ADCY1: variants seen among roughly 807,000 people sequenced by gnomAD.
ADCY1 encodes adenylate cyclase 1, also known as adenylate cyclase type 1.
A neutral mutation model predicts 105.4 loss-of-function variants in ADCY1; 28 were observed. The ratio of observed to expected loss-of-function variants is 0.27; its 90% CI spans 0.20 to 0.36. The LOEUF is 0.36. Ranked by LOEUF, ADCY1 falls within the 10% of genes least tolerant of loss-of-function variation. The pLI, the probability that ADCY1 is intolerant of heterozygous loss-of-function variation, is 1.00. For synonymous variants in ADCY1, 655 were observed against 623.8 expected (o/e 1.05, Z -0.75); for missense variants, 977 against 1,434.2 (o/e 0.68, Z 5.15).
intron 8 of ADCY1, chr7:45,664,407 A>G: frequency 6.5e-7 from 1 of 1,535,988 alleles, no homozygotes; most frequent in Non-Finnish European, 8.7e-7. Context: ...CACTGTCACC[A>G]GTGCTGCAAG....
intron 4 of ADCY1, among the ~76,000 whole-genome samples, chr7:45,644,240 A>G (rs1794600454): frequency 6.6e-6 from 1 of 152,200 alleles, no homozygotes; most frequent in Non-Finnish European, 1.5e-5. Flanking sequence ...AGCTGGCCCT[A>G]GAGCGGCCTG....
At chr7:45,602,232 G>C (rs1383907117) in intron 2 of ADCY1, among the ~76,000 whole-genome samples, 2 of 151,774 alleles carry the variant, frequency 1.3e-5, no homozygotes, top group African/African-American at 4.8e-5. Context: ...TCCACTGGGT[G>C]GTGAAGACCA....
chr7:45,686,519 T>G lies in ADCY1; in HGVS notation c.2328-28T>G. On this transcript the variant is annotated intron_variant, in intron 13 of 19. Transcript: ENST00000297323. This position sits in a 1 kb window ranked among gnomAD's most constrained non-coding sequence, Gnocchi z 4.3. ...CTTGCCCTGGAAGCTCGGCACTGAC[T>G]TGGCTTTTCTTCCTCATCTTCCCCC... is the stretch of plus-strand genomic sequence containing the variant. 1.3e-6 allele frequency: 2 copies of G among 1,598,004 alleles called. No individual in the cohort carries two copies. The highest frequency in any genetic ancestry group is 1.7e-6 in the Non-Finnish European group (2 of 1,170,646).
At chr7:45,600,299 C>T (rs1343014260) in intron 2 of ADCY1, among the ~76,000 whole-genome samples, 1 of 152,200 alleles carries the variant, frequency 6.6e-6, no homozygotes, top group African/African-American at 2.4e-5. Flanking sequence ...GAGGGGACCT[C>T]TGACAGGGTG....
chr7:45,638,974 A>G (rs778299230), intron 4 of ADCY1, among the ~76,000 whole-genome samples: 2 of 151,986 alleles, frequency 1.3e-5, no homozygotes, highest in Non-Finnish European at 2.9e-5. Context: ...GGTGACCCCC[A>G]TGAAGTAGGA....
rs938079055 is a variant in ADCY1, at chr7:45,575,737, C to T, written c.639+555C>T. On this transcript the variant is annotated intron_variant, in intron 1 of 19. Coordinates refer to ENST00000297323, the MANE Select transcript of ADCY1 (RefSeq NM_021116.4). This position sits in a 1 kb window ranked among gnomAD's most constrained non-coding sequence, Gnocchi z 4.7. ...TGGCCACCCTTCTGTGGACATGCCT[C>T]CGGCCCAGAAAGAGTGGGGTTTGCC... Among the ~76,000 whole-genome samples the T allele has an allele frequency of 6.6e-6, 1 of 152,270 alleles. No homozygotes were observed. The highest frequency in any genetic ancestry group is 2.4e-5 in the African/African-American group (1 of 41,474).
chr7:45,635,769 G>C (rs1794388234), intron 4 of ADCY1, among the ~76,000 whole-genome samples: 1 of 151,598 alleles, frequency 6.6e-6, no homozygotes, highest in Admixed American at 6.6e-5. Flanking sequence ...CCAGAATATG[G>C]CTTACTTTGG....
intron 2 of ADCY1, among the ~76,000 whole-genome samples, chr7:45,598,225 C>T (rs1282044172): frequency 6.6e-6 from 1 of 152,288 alleles, no homozygotes; most frequent in Non-Finnish European, 1.5e-5. Context: ...ATAGAGTCAC[C>T]AGTGGCAGAG....
chr7:45,597,772 C>A (rs538507034), intron 2 of ADCY1, among the ~76,000 whole-genome samples: 3 of 152,184 alleles, frequency 2.0e-5, no homozygotes, highest in African/African-American at 4.8e-5. Context: ...CTTCTCAGGG[C>A]AGCCCATAGA....
At chr7:45,712,293 C>T (rs1400839123) in intron 19 of ADCY1, among the ~76,000 whole-genome samples, 1 of 146,182 alleles carries the variant, frequency 6.8e-6, no homozygotes, top group African/African-American at 2.5e-5. Context: ...ATGACTGTAT[C>T]CTGCACCCTT....
chr7:45,649,057 A>G (rs1249940334), intron 5 of ADCY1, among the ~76,000 whole-genome samples: 1 of 152,140 alleles, frequency 6.6e-6, no homozygotes, highest in Non-Finnish European at 1.5e-5. Context: ...AATCCTGCAT[A>G]TTGTCAGGTA....
chr7:45,721,654 A>G lies in ADCY1; in HGVS notation c.*7659A>G, dbSNP rs1380740715. Reference sequence around the variant, plus strand: ...TAGAGCCATTTAATGTTATTGTCATATGCTGCTGGTGAGGTAAAGGTGGGT... The same window carrying G: ...TAGAGCCATTTAATGTTATTGTCATGTGCTGCTGGTGAGGTAAAGGTGGGT... On this transcript the variant is annotated 3_prime_UTR_variant, in exon 20 of 20. Coordinates refer to ENST00000297323, the MANE Select transcript of ADCY1 (RefSeq NM_021116.4). 5.0e-6 allele frequency: 2 copies of G among 398,540 alleles called. No homozygotes were observed. The highest frequency in any genetic ancestry group is 7.1e-5 in the East Asian group (2 of 28,052). 24.7% of individuals were successfully genotyped at this position (398,540 alleles called of 1,614,324 possible).
intron 4 of ADCY1, among the ~76,000 whole-genome samples, chr7:45,632,846 C>T (rs1203853543): frequency 6.6e-6 from 1 of 152,060 alleles, no homozygotes; most frequent in East Asian, 1.9e-4. Flanking sequence ...GCAGGGATTA[C>T]AGGCATGAAC....
intron 3 of ADCY1, among the ~76,000 whole-genome samples, chr7:45,615,686 GA>G (rs1376265906): frequency 6.6e-6 from 1 of 152,098 alleles, no homozygotes; most frequent in African/African-American, 2.4e-5. Context: ...AAACTTATGG[GA>G]TGGAACAGAA....
At chr7:45,670,076 A>G (rs1784334765) in intron 8 of ADCY1, among the ~76,000 whole-genome samples, 1 of 152,238 alleles carries the variant, frequency 6.6e-6, no homozygotes, top group South Asian at 2.1e-4. Flanking sequence ...GTTGAATTTT[A>G]GAAAATACTC....
intron 8 of ADCY1, among the ~76,000 whole-genome samples, chr7:45,670,500 C>G (rs79209880): frequency 1.3e-5 from 2 of 152,104 alleles, no homozygotes; most frequent in Non-Finnish European, 2.9e-5. Flanking sequence ...TAGCACCAAC[C>G]GGAAAATGGA....
intron 4 of ADCY1, among the ~76,000 whole-genome samples, chr7:45,631,552 C>A (rs1267537126): frequency 1.3e-5 from 2 of 152,190 alleles, no homozygotes; most frequent in East Asian, 3.8e-4. Context: ...AGTACTATTT[C>A]ACTTATTCTC....
intron 4 of ADCY1, among the ~76,000 whole-genome samples, chr7:45,642,597 T>TTTG (rs961094259): frequency 1.3e-5 from 2 of 152,070 alleles, no homozygotes; most frequent in African/African-American, 2.4e-5. Flanking sequence ...TGGATCTGCT[T>TTTG]TTGTTGTTGT....
intron 2 of ADCY1, among the ~76,000 whole-genome samples, chr7:45,600,068 A>G (rs1412145320): frequency 6.6e-6 from 1 of 152,222 alleles, no homozygotes; most frequent in Non-Finnish European, 1.5e-5. Flanking sequence ...ATGCCAAGAT[A>G]TAGAGCCCAG....
Sources: gnomAD v4.1 joint callset for allele counts (sites outside exome capture counted in the v4.1 genomes callset) on GRCh38, gnomAD v4.1.1 for gene constraint, Gnocchi (gnomAD v3.1) non-coding constraint, MANE v1.5 for transcripts, NCBI Gene and HGNC (gene_info 2026-07-23, HGNC 2026-07-21) for gene names.